TUBGCP6: variants seen among roughly 807,000 people sequenced by gnomAD.
TUBGCP6 encodes the protein tubulin gamma complex component 6.
Under a neutral mutation model 175.8 loss-of-function variants are expected in TUBGCP6, and 161 were observed. The ratio of observed to expected loss-of-function variants is 0.92; its 90% CI spans 0.81 to 1.04. The LOEUF is 1.04. TUBGCP6 is among the 50% of genes least tolerant of loss of function. TUBGCP6 has a pLI of 0.00. For synonymous variants in TUBGCP6, 1,173 were observed against 1,030.5 expected (o/e 1.14, Z -2.65); for missense variants, 2,572 against 2,433.0 (o/e 1.06, Z -1.20).
At chr22:50,219,891 G>T (rs369087899) in intron 17 of TUBGCP6, 66 bp downstream of exon 17, 8 of 1,604,694 alleles carry the variant, frequency 5.0e-6, no homozygotes, top group Non-Finnish European at 6.0e-6. Flanking sequence ...ACCCACCCGC[G>T]TGACAACCTA....
intron 2 of TUBGCP6, 43 bp downstream of exon 2, chr22:50,240,161 A>T (rs760439450): frequency 1.2e-6 from 2 of 1,611,306 alleles, no homozygotes; most frequent in South Asian, 1.1e-5. Context: ...ACGCTCATGC[A>T]GGGGTAGGGG....
At chr22:50,219,583 G>A (rs2064481001) in intron 18 of TUBGCP6, 61 bp downstream of exon 18, 4 of 1,597,840 alleles carry the variant, frequency 2.5e-6, no homozygotes, top group Non-Finnish European at 3.4e-6. Context: ...ACAGGAGGTG[G>A]AGCACGTGCT....
Position 50,233,309 on chromosome 22 carries a change from T to C in TUBGCP6, c.1116+7A>G, listed in dbSNP as rs1446721460. 2 of 1,609,354 alleles carry C rather than the reference T, an allele frequency of 1.2e-6. No individual in the cohort carries two copies. Among genetic ancestry groups the C allele is most frequent in the Non-Finnish European group, 1.7e-6 (2 of 1,177,666 alleles). On this transcript the variant is annotated splice_region_variant and intron_variant, in intron 3 of 24. Transcript: ENST00000248846. Reference sequence around the variant, plus strand: ...CACCACTGTGGCGGGGAGTGAGCAGTTCTCACCTGGCAGAGCGAAAACGTG... The same window carrying C: ...CACCACTGTGGCGGGGAGTGAGCAGCTCTCACCTGGCAGAGCGAAAACGTG...
intron 1 of TUBGCP6, among the ~76,000 whole-genome samples, chr22:50,242,061 G>A (rs5771266): frequency 0.11 from 16,700 of 150,388 alleles, 1,176 homozygotes; most frequent in East Asian, 0.24. Flanking sequence ...GGGAGGCCGA[G>A]GCGGGCAGAT....
intron 7 of TUBGCP6, 37 bp from the exon 8 acceptor site, chr22:50,226,415 C>T (rs762498634): frequency 2.9e-5 from 45 of 1,554,134 alleles, no homozygotes; most frequent in Admixed American, 7.7e-5. Context: ...ATGTGGTCAA[C>T]GGAGAGGTGG....
Position 50,224,419 on chromosome 22 carries a change from G to C in TUBGCP6, c.2067C>G (p.Asp689Glu), listed in dbSNP as rs760660473. The change falls in exon 12 of 25, where the codon GAC becomes GAG. Residue 689 changes from aspartate (D) to glutamate (E), a missense_variant and splice_region_variant. By Grantham distance (45) the Asp-to-Glu change is conservative. Transcript: ENST00000248846. Reference sequence around the variant, plus strand: ...AGGCCATCCGTTCTGACATCTGCCGGTCTACATTGGGACAGTAAGGGGCGC... The same window carrying C: ...AGGCCATCCGTTCTGACATCTGCCGCTCTACATTGGGACAGTAAGGGGCGC... Reference protein sequence around the residue: ...AASRVLSALSDRQMSERMALD... With the variant: ...AASRVLSALSERQMSERMALD... 1.2e-6 allele frequency: 2 copies of C among 1,614,142 alleles called. No individual in the cohort carries two copies. Among genetic ancestry groups the C allele is most frequent in the Non-Finnish European group, 1.7e-6 (2 of 1,180,034 alleles).
At position 50,218,515 on chromosome 22, in the gene TUBGCP6, C is replaced by T; in HGVS notation, c.4927G>A (p.Asp1643Asn). The T allele has an allele frequency of 6.2e-7, 1 of 1,613,702 alleles. No homozygotes were observed. Among genetic ancestry groups the T allele is most frequent in the Non-Finnish European group, 8.5e-7 (1 of 1,179,962 alleles). Residue 1643 changes from aspartate (D) to asparagine (N), a missense_variant, in exon 22 of 25, where the codon GAC becomes AAC. By Grantham distance (23) the Asp-to-Asn change is conservative (BLOSUM62 1). Coordinates refer to ENST00000248846, the MANE Select transcript of TUBGCP6 (RefSeq NM_020461.4). Reference protein sequence around the residue: ...QLKLMMWALKDVCFHLKRTAL... With the variant: ...QLKLMMWALKNVCFHLKRTAL... Reference sequence around the variant, plus strand: ...GTGCGCTTGAGGTGGAAGCAGACGTCCTTGAGCGCCCACATCATGAGCTTC... The same window carrying T: ...GTGCGCTTGAGGTGGAAGCAGACGTTCTTGAGCGCCCACATCATGAGCTTC...
Position 50,218,342 on chromosome 22 carries a change from T to G in TUBGCP6, c.5015A>C (p.Glu1672Ala). 6.2e-7 allele frequency: 1 copy of G among 1,613,082 alleles called. No homozygotes were observed. Among genetic ancestry groups the G allele is most frequent in the Non-Finnish European group, 8.5e-7 (1 of 1,179,978 alleles). ...QFRQLQLFKH[E>A]MQHFVKVIQG... ...GATGACCTTCACGAAATGCTGCATC[T>G]CGTGCTTGAACAGCTGCAGCTGACG... is the stretch of plus-strand genomic sequence containing the variant. Residue 1672 changes from glutamate to alanine, a missense_variant, in exon 23 of 25, where the codon GAG becomes GCG. Physicochemically the swap from Glu to Ala is moderately radical, Grantham distance 107 (BLOSUM62 -1). Transcript: ENST00000248846.
At position 50,225,804 on chromosome 22, in the gene TUBGCP6, T is replaced by C. The variant is rs778840301; in HGVS notation, c.1973A>G (p.Lys658Arg). 1 of 1,612,972 alleles carries C rather than the reference T, an allele frequency of 6.2e-7. No individual in the cohort carries two copies. The highest frequency in any genetic ancestry group is 1.3e-5 in the African/African-American group (1 of 74,966). ...ERVARHSSVS[K>R]EEKELRMEIA... ...TGTGGTGCCACGCACCTTCTCCTCC[T>C]TGCTGACAGAGCTGTGGCGGGCCAC... The change falls in exon 10 of 25, where the codon AAG (lysine) becomes AGG (arginine). Residue 658 changes from lysine (K) to arginine (R), a missense_variant. Coordinates refer to ENST00000248846, the MANE Select transcript of TUBGCP6 (RefSeq NM_020461.4).
At chr22:50,234,692 T>C (rs2064745365) in intron 2 of TUBGCP6, among the ~76,000 whole-genome samples, 1 of 121,734 alleles carries the variant, frequency 8.2e-6, no homozygotes, top group South Asian at 2.9e-4. Flanking sequence ...TACACCCAGG[T>C]CCACAGCAGC....
Position 50,218,576 on chromosome 22 carries a change from G to C in TUBGCP6, c.4866C>G (p.Ser1622Arg). The change falls in exon 22 of 25, where the codon AGC (serine) becomes AGG (arginine). Residue 1622 changes from serine to arginine, a missense_variant. Transcript: ENST00000248846. ...GGAAGGAGAAGACGCCGCTGTACTT[G>C]CTCACGCAGCCCTCGGTGATGACAA... The part of the protein sequence containing the change: ...LNIVITEGCV[S>R]KYSGVFSFLL... 1 of 1,613,820 alleles carries C rather than the reference G, an allele frequency of 6.2e-7. No individual in the cohort carries two copies. Among genetic ancestry groups the C allele is most frequent in the Non-Finnish European group, 8.5e-7 (1 of 1,179,974 alleles).
Position 50,220,734 on chromosome 22 carries a change from G to T in TUBGCP6, c.3625C>A (p.Arg1209=), listed in dbSNP as rs113811007. Reference sequence around the variant, plus strand: ...TGTCCGTGGGTGTTCCACCGTGGCCGGGTGGGAGCCATGTCTGACACAGAC... The same window carrying T: ...TGTCCGTGGGTGTTCCACCGTGGCCTGGTGGGAGCCATGTCTGACACAGAC... The part of the protein sequence containing the change: ...GESVSDMAPT[R]PRWNTHGHVS... The change falls in exon 16 of 25, where the codon CGG becomes AGG. Residue 1209 remains arginine, a synonymous_variant. Transcript: ENST00000248846. The T allele has an allele frequency of 4.9e-5, 79 of 1,604,816 alleles. No individual in the cohort carries two copies. The highest frequency in any genetic ancestry group is 2.2e-4 in the African/African-American group (16 of 72,578).
At position 50,225,848 on chromosome 22, in the gene TUBGCP6, G is replaced by A. The variant is rs201860796; in HGVS notation, c.1929C>T (p.Tyr643=). The A allele has an allele frequency of 3.5e-5, 57 of 1,613,648 alleles. No individual in the cohort carries two copies. Among genetic ancestry groups the A allele is most frequent in the Admixed American group, 1.5e-4 (9 of 59,978 alleles). ...LKEIEKDCAV[Y]VGRMERVARH... is the part of the protein sequence containing the mutation. ...GGGCCACCCTCTCCATGCGCCCAAC[G>A]TAGACGGCACAGTCCTTCTCAATCT... Residue 643 remains tyrosine, a synonymous_variant, in exon 10 of 25, where the codon TAC becomes TAT. Coordinates refer to ENST00000248846, the MANE Select transcript of TUBGCP6 (RefSeq NM_020461.4).
At chr22:50,237,168 G>A (rs757629941) in intron 2 of TUBGCP6, among the ~76,000 whole-genome samples, 5 of 152,222 alleles carry the variant, frequency 3.3e-5, no homozygotes, top group South Asian at 4.1e-4. Flanking sequence ...CAGCAGGGAG[G>A]GCCGTGAGCA....
intron 2 of TUBGCP6, among the ~76,000 whole-genome samples, chr22:50,235,670 G>A (rs192318867): frequency 2.9e-4 from 44 of 152,284 alleles, no homozygotes; most frequent in African/African-American, 8.2e-4. Context: ...GGCCAGGTGC[G>A]GTGGCTCATG....
intron 17 of TUBGCP6, 40 bp downstream of exon 17, chr22:50,219,917 C>CCCTG: frequency 6.2e-7 from 1 of 1,612,980 alleles, no homozygotes; most frequent in Non-Finnish European, 8.5e-7. Context: ...ACAGAGCCCT[C>CCCTG]CCTGCCTGCT....
Position 50,240,246 on chromosome 22 carries a change from G to A in TUBGCP6, c.863C>T (p.Thr288Ile), listed in dbSNP as rs375138888. ...GCACCTCCGCTTGCTGGCCTCATAG[G>A]TAAGTGCGGCTTCCCACAGGTCCAC... ...PDVDLWEAALTYEASKRRCWE... is the reference protein window; with the variant it reads ...PDVDLWEAALIYEASKRRCWE... The change falls in exon 2 of 25, where the codon ACC becomes ATC. Residue 288 changes from threonine (T) to isoleucine (I), a missense_variant. Thr to Ile is a moderately conservative substitution (Grantham distance 89). Coordinates refer to ENST00000248846, the MANE Select transcript of TUBGCP6 (RefSeq NM_020461.4). 3.7e-6 allele frequency: 6 copies of A among 1,614,026 alleles called. No homozygotes were observed. Among genetic ancestry groups the A allele is most frequent in the Non-Finnish European group, 5.1e-6 (6 of 1,180,042 alleles).
At position 50,244,481 on chromosome 22, in the gene TUBGCP6, C is replaced by A; in HGVS notation, c.-22G>T. On this transcript the variant is annotated 5_prime_UTR_variant, in exon 1 of 25. Transcript: ENST00000248846. ...CCATGCCCCTTCTCAGCTCCGGGCC[C>A]CCGGCGTGTGGGAAAACACCTCACC... 6.3e-7 allele frequency: 1 copy of A among 1,590,112 alleles called. No individual in the cohort carries two copies.
At chr22:50,236,980 C>G (rs1380323681) in intron 2 of TUBGCP6, among the ~76,000 whole-genome samples, 2 of 152,192 alleles carry the variant, frequency 1.3e-5, no homozygotes, top group Admixed American at 6.5e-5. Context: ...CACAAAGACA[C>G]AGCGCAGGAT....
Sources: allele counts gnomAD v4.1 joint callset (sites outside exome capture counted in the v4.1 genomes callset), GRCh38; gene constraint gnomAD v4.1.1; transcripts MANE v1.5; gene names NCBI Gene and HGNC (gene_info 2026-07-23, HGNC 2026-07-21).